RNF141: variants seen among roughly 807,000 people sequenced by gnomAD.
RNF141 encodes C3HC4-like zinc finger protein.
A neutral mutation model predicts 27.4 loss-of-function variants in RNF141; 18 were observed. That is an observed-to-expected ratio of 0.66 (90% CI 0.45 to 0.97). The LOEUF is 0.97. Among genes scored for constraint, RNF141 ranks in the 50% least tolerant of loss-of-function variants. RNF141 has a pLI of 0.00. For missense variants in RNF141, 230 were observed against 279.4 expected (o/e 0.82, Z 1.26); for synonymous variants, 97 against 96.6 (o/e 1.00, Z -0.02).
chr11:10,514,843 C>T lies in RNF141; in HGVS notation c.*73G>A. On this transcript the variant is annotated 3_prime_UTR_variant, in exon 6 of 6. Coordinates refer to ENST00000265981, the MANE Select transcript of RNF141 (RefSeq NM_016422.4). ...GATTTTCCTGTGTCTGTGCCAGTGC[C>T]ACAACCCTACATTCTTCCCCCATGA... 2.8e-6 allele frequency: 4 copies of T among 1,436,756 alleles called. No homozygotes were observed. The highest frequency in any genetic ancestry group is 3.7e-6 in the Non-Finnish European group (4 of 1,067,342). The allele number at this position is 1,436,756 out of a possible 1,614,324, so 89.0% of individuals were successfully genotyped here.
intron 1 of RNF141, chr11:10,540,886 C>T (rs1040367594): frequency 6.6e-6 from 1 of 152,324 alleles, no homozygotes; most frequent in Non-Finnish European, 1.5e-5. Context: ...CGGGACAAGC[C>T]ACCGCCACCC....
chr11:10,528,563 T>TG (rs1363141762), intron 3 of RNF141, among the ~76,000 whole-genome samples: 2 of 152,226 alleles, frequency 1.3e-5, no homozygotes, highest in African/African-American at 4.8e-5. Flanking sequence ...AACGAAGGGA[T>TG]GAAAAGCCTG....
At chr11:10,521,433 T>G (rs1849886984) in intron 4 of RNF141, among the ~76,000 whole-genome samples, 1 of 152,246 alleles carries the variant, frequency 6.6e-6, no homozygotes, top group Admixed American at 6.5e-5. Flanking sequence ...TAAGGTTTTC[T>G]TCATCAGACA....
At position 10,514,488 on chromosome 11, in the gene RNF141, C is replaced by T. The variant is rs571837998; in HGVS notation, c.*428G>A. Reference sequence around the variant, plus strand: ...GTAACATGCACGTTGAAGTATTCTACATTTTCAGTCACTTAAACTTTCCTC... The same window carrying T: ...GTAACATGCACGTTGAAGTATTCTATATTTTCAGTCACTTAAACTTTCCTC... On this transcript the variant is annotated 3_prime_UTR_variant, in exon 6 of 6. Coordinates refer to ENST00000265981, the MANE Select transcript of RNF141 (RefSeq NM_016422.4). 3 of 153,790 alleles carry T rather than the reference C, an allele frequency of 2.0e-5. No homozygotes were observed. Among genetic ancestry groups the T allele is most frequent in the East Asian group, 1.9e-4 (1 of 5,206 alleles). 9.5% of individuals were successfully genotyped at this position (153,790 alleles called of 1,614,324 possible).
rs573699077 is a variant in RNF141, at chr11:10,514,568, A to G, written c.*348T>C. ...GAGGTTTATTTTATATCTAAGTAAA[A>G]AGATTCCAGAATACTCCTGCCCTGC... On this transcript the variant is annotated 3_prime_UTR_variant, in exon 6 of 6. Transcript: ENST00000265981. 2.0e-3 allele frequency: 345 copies of G among 173,780 alleles called. 2 individuals are homozygous for G. The highest frequency in any genetic ancestry group is 3.3e-3 in the Non-Finnish European group (275 of 82,550). The allele number at this position is 173,780 out of a possible 1,614,324, so 10.8% of individuals were successfully genotyped here. A position where few individuals can be genotyped will look rare whatever the true frequency, so the allele number is the denominator to read the frequency against.
intron 3 of RNF141, among the ~76,000 whole-genome samples, chr11:10,526,309 A>C (rs1397863748): frequency 1.3e-5 from 2 of 152,208 alleles, no homozygotes; most frequent in African/African-American, 2.4e-5. Flanking sequence ...CAGGGCCATA[A>C]AATTGTGACT....
At chr11:10,531,807 T>G in intron 2 of RNF141, 2 of 245,200 alleles carry the variant, frequency 8.2e-6, no homozygotes, top group South Asian at 3.9e-5. Flanking sequence ...AATGAGGCCA[T>G]CGAAAGTTAA....
chr11:10,516,277 C>G (rs1849842216), intron 5 of RNF141: 1 of 152,188 alleles, frequency 6.6e-6, no homozygotes, highest in South Asian at 2.1e-4. Flanking sequence ...GATTTATCTT[C>G]CCACCTAAAA....
At chr11:10,516,649 ACAAT>A (rs1849845288) in intron 5 of RNF141, 1 of 152,260 alleles carries the variant, frequency 6.6e-6, no homozygotes, top group South Asian at 2.1e-4. Context: ...CCGAGGCTGA[ACAAT>A]CAATCAAAGG....
intron 2 of RNF141, among the ~76,000 whole-genome samples, chr11:10,532,792 C>A (rs1048159679): frequency 6.6e-6 from 1 of 152,138 alleles, no homozygotes; most frequent in Non-Finnish European, 1.5e-5. Context: ...TTACCTTAAA[C>A]TATTAATAGT....
intron 1 of RNF141, 49 bp downstream of exon 1, chr11:10,541,073 T>A (rs1370109787): frequency 6.6e-6 from 1 of 152,264 alleles, no homozygotes; most frequent in Non-Finnish European, 1.5e-5. Flanking sequence ...CCCAGAGTCC[T>A]GGAGCAGCTA....
intron 1 of RNF141, among the ~76,000 whole-genome samples, chr11:10,534,711 A>T (rs1274967787): frequency 1.3e-5 from 2 of 152,156 alleles, no homozygotes; most frequent in Non-Finnish European, 2.9e-5. Flanking sequence ...TGATTTATCT[A>T]AAGTTACACA....
intron 3 of RNF141, among the ~76,000 whole-genome samples, chr11:10,530,152 G>T (rs890518620): frequency 6.6e-6 from 1 of 152,122 alleles, no homozygotes; most frequent in Admixed American, 6.5e-5. Flanking sequence ...TCTACTCAGT[G>T]GTGGTTGAGG....
chr11:10,528,903 G>T (rs1051894178), intron 3 of RNF141, among the ~76,000 whole-genome samples: 1 of 152,194 alleles, frequency 6.6e-6, no homozygotes, highest in Non-Finnish European at 1.5e-5. Context: ...AACTTTTTTC[G>T]TAATGCAGTA....
At chr11:10,525,762 T>G (rs1849931266) in intron 3 of RNF141, among the ~76,000 whole-genome samples, 3 of 152,228 alleles carry the variant, frequency 2.0e-5, no homozygotes, top group Admixed American at 1.3e-4. Context: ...CCGCATGAGA[T>G]TCTACAACTC....
intron 5 of RNF141, 55 bp downstream of exon 5, chr11:10,518,979 A>C: frequency 1.5e-6 from 2 of 1,357,712 alleles, no homozygotes; most frequent in Non-Finnish European, 2.1e-6. Context: ...AAGTTTATTC[A>C]TGTACACTAT....
intron 4 of RNF141, among the ~76,000 whole-genome samples, chr11:10,520,445 C>T (rs1849879509): frequency 6.6e-6 from 1 of 152,132 alleles, no homozygotes; most frequent in South Asian, 2.1e-4. Context: ...CACTGTCTTC[C>T]GCCTCCACCT....
intron 5 of RNF141, chr11:10,515,894 CAT>C (rs1283423342): frequency 1.3e-5 from 2 of 152,118 alleles, no homozygotes; most frequent in African/African-American, 2.4e-5. Context: ...GGGAAGAACT[CAT>C]ATATGATCAC....
intron 4 of RNF141, among the ~76,000 whole-genome samples, chr11:10,520,150 AC>A (rs1398986552): frequency 6.6e-6 from 1 of 152,194 alleles, no homozygotes; most frequent in Non-Finnish European, 1.5e-5. Flanking sequence ...TGAACACTGT[AC>A]ATTTAGGCTA....
Sources: allele counts gnomAD v4.1 joint callset (sites outside exome capture counted in the v4.1 genomes callset), GRCh38; gene constraint gnomAD v4.1.1; transcripts MANE v1.5; gene names NCBI Gene and HGNC (gene_info 2026-07-23, HGNC 2026-07-21).